WDR27: variants seen among roughly 807,000 people sequenced by gnomAD.
The protein encoded by WDR27 is WD repeat domain 27.
Under a neutral mutation model 114.4 loss-of-function variants are expected in WDR27, and 100 were observed. The observed-to-expected ratio is 0.87, with a 90% CI of 0.74 to 1.03. The LOEUF (loss-of-function observed/expected upper bound fraction) is 1.03, where lower values mean the gene tolerates loss of function less well. WDR27 is among the 50% of genes least tolerant of loss of function. WDR27 has a pLI of 0.00. For synonymous variants in WDR27, 449 were observed against 423.1 expected, an observed-to-expected ratio of 1.06 and a Z score of -0.75; for missense variants, 1,129 against 1,092.9, an observed-to-expected ratio of 1.03 and a Z score of -0.47.
At chr6:169,698,794 G>A (rs141802898) in intron 1 of WDR27, among the ~76,000 whole-genome samples, 14 of 152,222 alleles carry the variant, frequency 9.2e-5, no homozygotes, top group African/African-American at 2.4e-4. Context: ...GAGGGGCCAC[G>A]GTGGTGGCAC....
At chr6:169,491,482 C>A (rs1183789759) in intron 25 of WDR27, among the ~76,000 whole-genome samples, 1 of 151,634 alleles carries the variant, frequency 6.6e-6, no homozygotes, top group Non-Finnish European at 1.5e-5. Flanking sequence ...CTCTTTATTT[C>A]ATATATATAG....
At chr6:169,434,155 C>A in the WDR27 span, among the ~76,000 whole-genome samples, 1 of 152,196 alleles carries the variant, frequency 6.6e-6, no homozygotes, top group Non-Finnish European at 1.5e-5. Context: ...GTCATGAAGT[C>A]TTTGTCCATG....
chr6:169,452,697 C>G (rs1784206571), downstream of WDR27, among the ~76,000 whole-genome samples: 1 of 152,246 alleles, frequency 6.6e-6, no homozygotes, highest in African/African-American at 2.4e-5. Context: ...AGGGGAGACC[C>G]AGGATCAGCA....
chr6:169,530,239 A>G (rs1795426745), intron 25 of WDR27, among the ~76,000 whole-genome samples: 1 of 152,182 alleles, frequency 6.6e-6, no homozygotes, highest in Non-Finnish European at 1.5e-5. Flanking sequence ...ATGAACACAA[A>G]CAGTTGCAAA....
intron 25 of WDR27, among the ~76,000 whole-genome samples, chr6:169,513,554 C>A (rs1313636294): frequency 1.3e-5 from 2 of 151,336 alleles, no homozygotes; most frequent in African/African-American, 4.9e-5. Flanking sequence ...GACACATTTA[C>A]ATGGATTCAA....
At chr6:169,634,928 T>C (rs2128219722) in intron 19 of WDR27, among the ~76,000 whole-genome samples, 1 of 152,176 alleles carries the variant, frequency 6.6e-6, no homozygotes, top group African/African-American at 2.4e-5. Flanking sequence ...TGCAAAGTGA[T>C]CTCTAAGAGA....
chr6:169,434,200 C>G, the WDR27 span, among the ~76,000 whole-genome samples: 3 of 152,110 alleles, frequency 2.0e-5, no homozygotes, highest in Non-Finnish European at 4.4e-5. Context: ...AGGTTTTCTT[C>G]TAGGGTTTTT....
the WDR27 span, among the ~76,000 whole-genome samples, chr6:169,428,627 T>C: frequency 6.6e-6 from 1 of 151,956 alleles, no homozygotes; most frequent in South Asian, 2.1e-4. Flanking sequence ...TTCTACTCCT[T>C]TGATAGCCGA....
Position 169,463,887 on chromosome 6 carries a change from C to T in WDR27, c.2646-6253G>A, listed in dbSNP as rs536328506. 5.4e-4 allele frequency among the ~76,000 whole-genome samples: 82 copies of T among 152,224 alleles called. 1 individual carries two copies. Among genetic ancestry groups the T allele is most frequent in the Admixed American group, 4.3e-3 (66 of 15,296 alleles). On this transcript the variant is annotated intron_variant, in intron 25 of 25. Transcript: ENST00000448612. ...AACTACAAAACATTGCTGAAGGAAA[C>T]GAAAGACATTCATTAAAACACTTCC...
At chr6:169,580,857 G>C (rs920473826) in intron 24 of WDR27, among the ~76,000 whole-genome samples, 3 of 149,992 alleles carry the variant, frequency 2.0e-5, no homozygotes, top group Non-Finnish European at 4.4e-5. Context: ...GTAAAGAAAG[G>C]AAATTTTTAA....
At chr6:169,569,871 G>A (rs535692382) in intron 25 of WDR27, among the ~76,000 whole-genome samples, 32 of 152,226 alleles carry the variant, frequency 2.1e-4, no homozygotes, top group African/African-American at 7.7e-4. Flanking sequence ...CCATTCTAGG[G>A]CAGCTAGAAT....
intron 7 of WDR27, chr6:169,664,816 G>A (rs555740029): frequency 1.0e-5 from 10 of 995,760 alleles, no homozygotes; most frequent in East Asian, 2.2e-4. Context: ...TTTTTCAACA[G>A]TGTGTAAAGA....
At chr6:169,455,613 CG>C (rs1562436261), downstream of WDR27, among the ~76,000 whole-genome samples, 1 of 152,216 alleles carries the variant, frequency 6.6e-6, no homozygotes, top group African/African-American at 2.4e-5. Flanking sequence ...CACTGCTGAT[CG>C]GAACCAGGCA....
intron 25 of WDR27, among the ~76,000 whole-genome samples, chr6:169,483,009 C>G (rs1189100204): frequency 6.6e-6 from 1 of 152,050 alleles, no homozygotes; most frequent in Non-Finnish European, 1.5e-5. Flanking sequence ...TACAACATAC[C>G]AGAATCTCTG....
chr6:169,539,227 A>G (rs1272632220), intron 25 of WDR27, among the ~76,000 whole-genome samples: 14 of 152,106 alleles, frequency 9.2e-5, no homozygotes, highest in Admixed American at 9.2e-4. Context: ...CCTTCTGTCC[A>G]CTGCCTATAA....
At chr6:169,534,109 G>C (rs764553184) in intron 25 of WDR27, among the ~76,000 whole-genome samples, 3 of 152,260 alleles carry the variant, frequency 2.0e-5, no homozygotes, top group South Asian at 2.1e-4. Context: ...ATCACGGATG[G>C]TTGTTACATT....
the WDR27 span, among the ~76,000 whole-genome samples, chr6:169,428,362 C>T: frequency 6.6e-6 from 1 of 152,056 alleles, no homozygotes; most frequent in African/African-American, 2.4e-5. Flanking sequence ...ACGTTTTCAG[C>T]CATTTCAGAA....
chr6:169,638,408 T>C (rs1818279351), intron 18 of WDR27, 131 bp downstream of exon 18: 1 of 1,187,352 alleles, frequency 8.4e-7, no homozygotes, highest in Admixed American at 3.0e-5. Context: ...CAGTAACTTT[T>C]ATTGCATTAA....
chr6:169,659,135 TGAC>T lies in WDR27; in HGVS notation c.1267_1269del (p.Val423del). On this transcript the variant is annotated inframe_deletion, in exon 12 of 26. Transcript: ENST00000448612. This position sits in a 1 kb window ranked among gnomAD's most constrained non-coding sequence, Gnocchi z 4.3. ...CCCATGCTGGGGCACTGCTGAGCCC[TGAC>T]TAGCGCGGCCGGGTTGATCTCCAAC... The T allele has an allele frequency of 1.9e-6, 3 of 1,609,566 alleles. No homozygotes were observed. Among genetic ancestry groups the T allele is most frequent in the Non-Finnish European group, 2.5e-6 (3 of 1,178,060 alleles).
Sources: allele counts gnomAD v4.1 joint callset (sites outside exome capture counted in the v4.1 genomes callset), GRCh38; gene constraint gnomAD v4.1.1; non-coding constraint Gnocchi (gnomAD v3.1); transcripts MANE v1.5; gene names NCBI Gene and HGNC (gene_info 2026-07-23, HGNC 2026-07-21).